FOXP1: variants seen among roughly 807,000 people sequenced by gnomAD.
FOXP1 encodes forkhead box P1.
FOXP1 carries 15 observed loss-of-function variants against 98.2 expected under a neutral mutation model. That is an observed-to-expected ratio of 0.15 (90% CI 0.10 to 0.24). FOXP1 has a LOEUF of 0.24. Ranked by LOEUF, FOXP1 falls within the 10% of genes least tolerant of loss-of-function variation. The probability of loss-of-function intolerance (pLI) is 1.00; values close to 1 mark genes in which losing one functional copy is unlikely to be tolerated. For synonymous variants in FOXP1, 371 were observed against 314.5 expected, an observed-to-expected ratio of 1.18 and a Z score of -1.90; for missense variants, 633 against 848.5, an observed-to-expected ratio of 0.75 and a Z score of 3.15.
intron 7 of FOXP1, among the ~76,000 whole-genome samples, chr3:71,083,105 G>GTGT (rs1353288840): frequency 6.6e-6 from 1 of 152,198 alleles, no homozygotes; most frequent in African/African-American, 2.4e-5. Context: ...ACCAAATCTT[G>GTGT]TGTTGAACTG....
At chr3:71,522,924 C>A (rs1382316954) in intron 2 of FOXP1, among the ~76,000 whole-genome samples, 1 of 152,182 alleles carries the variant, frequency 6.6e-6, no homozygotes, top group African/African-American at 2.4e-5. Flanking sequence ...GCAGTACTTA[C>A]ACATTTAACT....
chr3:71,578,952 T>C (rs1045008846), intron 2 of FOXP1, among the ~76,000 whole-genome samples: 1 of 152,228 alleles, frequency 6.6e-6, no homozygotes, highest in East Asian at 1.9e-4. Flanking sequence ...AATTGCCTAA[T>C]AGCATCCATG....
intron 2 of FOXP1, among the ~76,000 whole-genome samples, chr3:71,561,407 C>CAAAAAAAAAAAAAAAAAA (rs56792827): frequency 2.5e-5 from 1 of 40,312 alleles, no homozygotes; most frequent in Non-Finnish European, 7.1e-5. Flanking sequence ...TAAAGCTGGC[C>CAAAAAAAAAAAAAAAAAA]AAAAAAAAAA....
chr3:71,298,387 C>T (rs1005176958), intron 5 of FOXP1, among the ~76,000 whole-genome samples: 11 of 152,064 alleles, frequency 7.2e-5, no homozygotes, highest in Non-Finnish European at 1.2e-4. Context: ...ATCACTTGAA[C>T]CCGGGAGGCA....
At chr3:71,021,717 C>T (rs1186328978) in intron 11 of FOXP1, among the ~76,000 whole-genome samples, 1 of 152,174 alleles carries the variant, frequency 6.6e-6, no homozygotes, top group East Asian at 1.9e-4. Context: ...TCCAGCCATC[C>T]TCACAGCTAG....
At chr3:71,127,092 A>G (rs532189527) in intron 6 of FOXP1, among the ~76,000 whole-genome samples, 2 of 152,266 alleles carry the variant, frequency 1.3e-5, no homozygotes, top group South Asian at 2.1e-4. Context: ...CCTCCACCCT[A>G]CTGTGGAGTT....
intron 6 of FOXP1, among the ~76,000 whole-genome samples, chr3:71,124,364 G>T (rs1414515200): frequency 6.7e-6 from 1 of 150,270 alleles, no homozygotes; most frequent in East Asian, 2.0e-4. Flanking sequence ...AAAAAATACT[G>T]GACAATTCTT....
In FOXP1 at chr3:71,264,765, T is replaced by G. The variant is rs9826688; in HGVS notation, c.-12+35055A>C. On this transcript the variant is annotated intron_variant, in intron 5 of 20. Transcript: ENST00000649528. ...AGAATTACGCGATTGATAACAGTCT[T>G]GTATTGGGTACTCCCATCAATATGA... 6.2e-3 allele frequency among the ~76,000 whole-genome samples: 947 copies of G among 152,314 alleles called. 9 individuals carry two copies. Among genetic ancestry groups the G allele is most frequent in the African/African-American group, 0.021 (892 of 41,558 alleles).
intron 2 of FOXP1, among the ~76,000 whole-genome samples, chr3:71,529,912 A>G (rs1216035702): frequency 4.6e-5 from 7 of 152,166 alleles, no homozygotes; most frequent in African/African-American, 1.7e-4. Context: ...CTAATTAGTG[A>G]CTGAACCCAA....
chr3:71,281,451 G>C (rs1250009458), intron 5 of FOXP1, among the ~76,000 whole-genome samples: 1 of 152,142 alleles, frequency 6.6e-6, no homozygotes, highest in Non-Finnish European at 1.5e-5. Context: ...CCCGCTTCAT[G>C]TTCTTCCAAA....
At chr3:70,963,158 A>T in intron 20 of FOXP1, among the ~76,000 whole-genome samples, 1 of 152,210 alleles carries the variant, frequency 6.6e-6, no homozygotes, top group Non-Finnish European at 1.5e-5. Context: ...AGAGGTAATG[A>T]TCCTGTCATG....
chr3:71,349,669 T>C (rs2077651911), intron 4 of FOXP1, among the ~76,000 whole-genome samples: 1 of 152,082 alleles, frequency 6.6e-6, no homozygotes, highest in African/African-American at 2.4e-5. Flanking sequence ...CCAGGGCACA[T>C]GGAAAAACAT....
chr3:71,397,008 G>GTATATATATATACATATATATATGTGTA (rs2081489855), intron 3 of FOXP1, among the ~76,000 whole-genome samples: 1 of 20,376 alleles, frequency 4.9e-5, no homozygotes, highest in South Asian at 1.1e-3. Context: ...ATATATATGT[G>GTATATATATATACATATATATATGTGTA]TATATATATA....
intron 2 of FOXP1, among the ~76,000 whole-genome samples, chr3:71,554,243 A>G (rs1292320439): frequency 6.6e-6 from 1 of 152,116 alleles, no homozygotes; most frequent in East Asian, 1.9e-4. Flanking sequence ...GGTCCCAGCT[A>G]CTCGGAAATC....
intron 3 of FOXP1, among the ~76,000 whole-genome samples, chr3:71,386,523 A>T (rs1371556959): frequency 6.6e-6 from 1 of 152,150 alleles, no homozygotes; most frequent in Admixed American, 6.5e-5. Context: ...TGGGCAGATC[A>T]CGACCTCAAA....
At chr3:71,272,498 T>A (rs932921767) in intron 5 of FOXP1, among the ~76,000 whole-genome samples, 1 of 151,982 alleles carries the variant, frequency 6.6e-6, no homozygotes, top group Non-Finnish European at 1.5e-5. Context: ...GCCTCAGTAA[T>A]AGAGAAGACC....
intron 13 of FOXP1, among the ~76,000 whole-genome samples, chr3:70,993,045 T>C (rs1017318699): frequency 1.3e-5 from 2 of 152,162 alleles, no homozygotes; most frequent in African/African-American, 4.8e-5. Context: ...ACATTACAGA[T>C]AATAAATTTG....
chr3:71,232,877 C>CAA lies in FOXP1; in HGVS notation c.-11-34487_-11-34486dup, dbSNP rs59404230. 7.4e-3 allele frequency among the ~76,000 whole-genome samples: 234 copies of CAA among 31,412 alleles called. 15 individuals are homozygous for CAA. Among genetic ancestry groups the CAA allele is most frequent in the South Asian group, 0.02 (8 of 398 alleles). The allele number at this position is 31,412 out of a possible 152,430, so 20.6% of individuals were successfully genotyped here. A position where few individuals can be genotyped will look rare whatever the true frequency, so the allele number is the denominator to read the frequency against. Reference sequence around the variant, plus strand: ...CGTGCCACAGAGCAAAACTCTGTCTCAAAAAAAAAAAAAAAAAAAGCAAGA... The same window carrying CAA: ...CGTGCCACAGAGCAAAACTCTGTCTCAAAAAAAAAAAAAAAAAAAAAGCAAGA... On this transcript the variant is annotated intron_variant, in intron 5 of 20. Coordinates refer to ENST00000649528, the MANE Select transcript of FOXP1 (RefSeq NM_001349338.3).
At chr3:71,434,776 G>A (rs1297017553) in intron 3 of FOXP1, among the ~76,000 whole-genome samples, 3 of 151,716 alleles carry the variant, frequency 2.0e-5, no homozygotes, top group Non-Finnish European at 2.9e-5. Context: ...GGTGAATATG[G>A]CCAAATGTCA....
Sources: allele counts gnomAD v4.1 joint callset (sites outside exome capture counted in the v4.1 genomes callset), GRCh38; gene constraint gnomAD v4.1.1; transcripts MANE v1.5; gene names NCBI Gene and HGNC (gene_info 2026-07-23, HGNC 2026-07-21).